ZMAT4: variants seen among roughly 807,000 people sequenced by gnomAD.
ZMAT4 encodes zinc finger matrin-type 4, also known as zinc finger matrin-type protein 4.
A neutral mutation model predicts 28.7 loss-of-function variants in ZMAT4; 17 were observed. The ratio of observed to expected loss-of-function variants is 0.59; its 90% confidence interval spans 0.41 to 0.89. ZMAT4 has a LOEUF of 0.89. ZMAT4 is among the 40% of genes least tolerant of loss of function. The probability of loss-of-function intolerance (pLI) is 0.00; values close to 1 mark genes in which losing one functional copy is unlikely to be tolerated. For missense variants in ZMAT4, 240 were observed against 283.8 expected, an observed-to-expected ratio of 0.85 and a Z score of 1.11; for synonymous variants, 117 against 109.2, an observed-to-expected ratio of 1.07 and a Z score of -0.44.
Position 40,547,372 on chromosome 8 carries a change from C to G in ZMAT4, c.675-15134G>C, listed in dbSNP as rs1390541492. Among the ~76,000 whole-genome samples, 4 of 152,166 alleles carry G rather than the reference C, an allele frequency of 2.6e-5. 1 individual carries two copies. Among genetic ancestry groups the G allele is most frequent in the Admixed American group, 2.6e-4 (4 of 15,276 alleles). On this transcript the variant is annotated intron_variant, in intron 6 of 6. Coordinates refer to ENST00000297737, the MANE Select transcript of ZMAT4 (RefSeq NM_024645.3). ...ATCCAGAGTTTTGAAAGCAGCAGCT[C>G]GCTGTTAAGAAGCCTCATCTTCATT...
Position 40,651,523 on chromosome 8 carries a change from A to G in ZMAT4, c.577+23181T>C, listed in dbSNP as rs1421964145. ...CTGCCCAAGGTAATTTACAGATTCA[A>G]TGCCATCCCCATCAAGCTACCAATG... On this transcript the variant is annotated intron_variant, in intron 5 of 6. Coordinates refer to ENST00000297737, the MANE Select transcript of ZMAT4 (RefSeq NM_024645.3). 3.3e-3 allele frequency among the ~76,000 whole-genome samples: 501 copies of G among 149,886 alleles called. 2 individuals carry two copies. The highest frequency in any genetic ancestry group is 0.01 in the Middle Eastern group (3 of 292).
At chr8:40,651,660 C>T (rs1807658197) in intron 5 of ZMAT4, among the ~76,000 whole-genome samples, 1 of 151,476 alleles carries the variant, frequency 6.6e-6, no homozygotes, top group South Asian at 2.1e-4. Flanking sequence ...AGGCATCACA[C>T]TACCTGACTT....
At chr8:40,591,700 C>T (rs1191646405) in intron 5 of ZMAT4, among the ~76,000 whole-genome samples, 1 of 152,138 alleles carries the variant, frequency 6.6e-6, no homozygotes, top group East Asian at 1.9e-4. Flanking sequence ...CTGTATCATT[C>T]GTAGTGGTTT....
At chr8:40,890,405 CGG>C (rs1818626967) in intron 1 of ZMAT4, among the ~76,000 whole-genome samples, 1 of 152,134 alleles carries the variant, frequency 6.6e-6, no homozygotes, top group African/African-American at 2.4e-5. Flanking sequence ...CTTCTCCTCC[CGG>C]GGATGAATAA....
rs137858188 is a variant in ZMAT4 at position 40,718,064 on chromosome 8, C to G, written c.193-20663G>C. ...TTCTTTTTCTGTTTCAGGATCCAAT[C>G]CAGGATACCACACTGCATTTAGCAT... On this transcript the variant is annotated intron_variant, in intron 3 of 6. Coordinates refer to ENST00000297737, the MANE Select transcript of ZMAT4 (RefSeq NM_024645.3). 6.1e-3 allele frequency among the ~76,000 whole-genome samples: 927 copies of G among 152,316 alleles called. 7 individuals are homozygous for G. The highest frequency in any genetic ancestry group is 0.022 in the African/African-American group (894 of 41,576).
chr8:40,728,546 A>G lies in ZMAT4; in HGVS notation c.193-31145T>C, dbSNP rs558356382. Among the ~76,000 whole-genome samples, 94 of 152,276 alleles carry G rather than the reference A, an allele frequency of 6.2e-4. No homozygotes were observed. The South Asian group carries it at 0.018, about 30-fold the overall frequency. On this transcript the variant is annotated intron_variant, in intron 3 of 6. Coordinates refer to ENST00000297737, the MANE Select transcript of ZMAT4 (RefSeq NM_024645.3). ...CTGAGAAGCATCACTGACCACTACTAACTAAACACCAGAAGCACAACAATC... is the reference window on the plus strand; with the variant it reads ...CTGAGAAGCATCACTGACCACTACTGACTAAACACCAGAAGCACAACAATC...
chr8:40,588,641 G>T (rs1367111354), intron 5 of ZMAT4, among the ~76,000 whole-genome samples: 1 of 151,964 alleles, frequency 6.6e-6, no homozygotes, highest in Non-Finnish European at 1.5e-5. Context: ...ATGACCATAT[G>T]GAACAACTAG....
At chr8:40,804,873 G>A (rs1187478632) in intron 2 of ZMAT4, among the ~76,000 whole-genome samples, 3 of 151,332 alleles carry the variant, frequency 2.0e-5, no homozygotes, top group Non-Finnish European at 2.9e-5. Context: ...AAAATATTAC[G>A]ACCAAAAAGG....
chr8:40,645,467 G>A (rs1390559460), intron 5 of ZMAT4, among the ~76,000 whole-genome samples: 1 of 152,092 alleles, frequency 6.6e-6, no homozygotes, highest in African/African-American at 2.4e-5. Context: ...AGAACACACA[G>A]AAAATATAGG....
At chr8:40,802,197 T>C (rs942667414) in intron 2 of ZMAT4, among the ~76,000 whole-genome samples, 5 of 152,214 alleles carry the variant, frequency 3.3e-5, no homozygotes, top group Non-Finnish European at 5.9e-5. Flanking sequence ...CACCACTGCT[T>C]TTCAGCATCG....
At chr8:40,737,698 G>A (rs1811830963) in intron 3 of ZMAT4, among the ~76,000 whole-genome samples, 1 of 152,156 alleles carries the variant, frequency 6.6e-6, no homozygotes, top group East Asian at 1.9e-4. Flanking sequence ...AGAGGAAGTG[G>A]AGTTGAGAGG....
intron 5 of ZMAT4, among the ~76,000 whole-genome samples, chr8:40,644,081 A>G (rs1412577543): frequency 2.6e-5 from 4 of 152,210 alleles, no homozygotes; most frequent in African/African-American, 9.6e-5. Context: ...GTTGCCAAGT[A>G]GAAAATAGGT....
At chr8:40,715,909 T>A (rs903638952) in intron 3 of ZMAT4, among the ~76,000 whole-genome samples, 3 of 152,212 alleles carry the variant, frequency 2.0e-5, no homozygotes, top group African/African-American at 7.2e-5. Flanking sequence ...GAAAAACTGC[T>A]AAGGCATCAA....
intron 6 of ZMAT4, among the ~76,000 whole-genome samples, chr8:40,553,923 T>C (rs1177335020): frequency 1.3e-5 from 2 of 152,176 alleles, no homozygotes; most frequent in Admixed American, 6.6e-5. Flanking sequence ...CATCCAATGA[T>C]ACAGCTCTTG....
At chr8:40,573,795 G>A (rs748492343) in intron 6 of ZMAT4, among the ~76,000 whole-genome samples, 1 of 152,140 alleles carries the variant, frequency 6.6e-6, no homozygotes, top group African/African-American at 2.4e-5. Flanking sequence ...CATATTTGTT[G>A]TGTTCTTGTC....
chr8:40,565,207 G>A (rs2118485775), intron 6 of ZMAT4, among the ~76,000 whole-genome samples: 1 of 152,236 alleles, frequency 6.6e-6, no homozygotes, highest in African/African-American at 2.4e-5. Context: ...TCTATCAGGT[G>A]TTACAAAATT....
At chr8:40,630,946 T>C (rs984574486) in intron 5 of ZMAT4, among the ~76,000 whole-genome samples, 1 of 151,278 alleles carries the variant, frequency 6.6e-6, no homozygotes, top group Admixed American at 6.6e-5. Flanking sequence ...CTTCAACATG[T>C]AATCAATATG....
At chr8:40,545,809 G>A (rs994026541) in intron 6 of ZMAT4, among the ~76,000 whole-genome samples, 7 of 148,860 alleles carry the variant, frequency 4.7e-5, no homozygotes, top group Admixed American at 1.3e-4. Flanking sequence ...TTGGTACTTT[G>A]TTATGGCAGC....
At chr8:40,816,136 T>C (rs559429647) in intron 2 of ZMAT4, among the ~76,000 whole-genome samples, 2 of 152,222 alleles carry the variant, frequency 1.3e-5, no homozygotes, top group African/African-American at 4.8e-5. Context: ...TGCCCCAGCC[T>C]CTCTACAGTA....
Sources: gnomAD v4.1 joint callset for allele counts (sites outside exome capture counted in the v4.1 genomes callset) on GRCh38, gnomAD v4.1.1 for gene constraint, MANE v1.5 for transcripts, NCBI Gene and HGNC (gene_info 2026-07-23, HGNC 2026-07-21) for gene names.